Variants in RBMS1 observed in about 807,000 individuals in gnomAD.
The protein encoded by RBMS1 is RNA-binding motif, single-stranded-interacting protein 1.
Under a neutral mutation model 62.3 loss-of-function variants are expected in RBMS1, and 17 were observed. The observed-to-expected ratio is 0.27, with a 90% CI of 0.19 to 0.41. RBMS1 has a LOEUF of 0.41. Ranked by LOEUF, RBMS1 falls within the 10% of genes least tolerant of loss-of-function variation. The probability of loss-of-function intolerance (pLI) is 1.00; values close to 1 mark genes in which losing one functional copy is unlikely to be tolerated. For synonymous variants in RBMS1, 172 were observed against 170.0 expected (o/e 1.01, Z -0.09); for missense variants, 334 against 504.5 (o/e 0.66, Z 3.24).
intron 1 of RBMS1, among the ~76,000 whole-genome samples, chr2:160,447,745 C>T (rs1205395132): frequency 6.6e-6 from 1 of 152,168 alleles, no homozygotes; most frequent in Non-Finnish European, 1.5e-5. Flanking sequence ...AACTAGATTG[C>T]TAAAATGGTA....
In RBMS1 at chr2:160,318,172, T is replaced by TAAGAAA; in HGVS notation, c.306_307insTTTCTT (p.Cys102_Lys103insPheLeu). ...ATAACCAGCCAAGAAAACATACCTT[T>TAAGAAA]GCATTTGTTCGTTGTCTTATCCAAA... On this transcript the variant is annotated inframe_insertion, in exon 3 of 14. Transcript: ENST00000348849. 6.3e-7 allele frequency: 1 copy of TAAGAAA among 1,594,680 alleles called. No homozygotes were observed.
chr2:160,303,262 T>C, intron 5 of RBMS1, 68 bp downstream of exon 5: 1 of 1,454,210 alleles, frequency 6.9e-7, no homozygotes, highest in Non-Finnish European at 9.2e-7. Context: ...TTAGTCATTT[T>C]TAATTTTCCA....
At chr2:160,396,550 CTTTTTTTTTT>C (rs59600753) in intron 1 of RBMS1, among the ~76,000 whole-genome samples, 6 of 77,850 alleles carry the variant, frequency 7.7e-5, no homozygotes, top group Non-Finnish European at 1.2e-4. Context: ...TTCTTTTTAT[CTTTTTTTTTT>C]TTTTTTTTTT....
intron 1 of RBMS1, among the ~76,000 whole-genome samples, chr2:160,415,665 A>G (rs947930523): frequency 2.6e-5 from 4 of 152,210 alleles, no homozygotes; most frequent in African/African-American, 7.2e-5. Context: ...AGGTTATTTA[A>G]TAAGAATTTC....
In RBMS1 at chr2:160,493,542, T is replaced by TTCCTCCTCCTCCTCCTCCTCCTCC; in HGVS notation, c.-203_-180dup. 2.0e-6 allele frequency: 1 copy of TTCCTCCTCCTCCTCCTCCTCCTCC among 494,570 alleles called. No homozygotes were observed. The highest frequency in any genetic ancestry group is 3.5e-6 in the Non-Finnish European group (1 of 283,136). 30.6% of individuals were successfully genotyped at this position (494,570 alleles called of 1,614,324 possible). On this transcript the variant is annotated 5_prime_UTR_variant, in exon 1 of 14. Coordinates refer to ENST00000348849, the MANE Select transcript of RBMS1 (RefSeq NM_016836.4). ...AGACGTCCTCCTCCTCCTCCTCCTC[T>TTCCTCCTCCTCCTCCTCCTCCTCC]TCCTCCTCCTCCTCCTCCTCCTCCT... is the stretch of plus-strand genomic sequence containing the variant.
At chr2:160,467,342 A>T (rs1027114990) in intron 1 of RBMS1, among the ~76,000 whole-genome samples, 5 of 152,206 alleles carry the variant, frequency 3.3e-5, no homozygotes, top group Non-Finnish European at 5.9e-5. Context: ...CAAGGAGAAG[A>T]ACCAGGATTT....
chr2:160,480,704 C>T (rs530073501), intron 1 of RBMS1, among the ~76,000 whole-genome samples: 107 of 152,002 alleles, frequency 7.0e-4, no homozygotes, highest in South Asian at 5.4e-3. Context: ...ATTGACAAGC[C>T]GATGCTAAAA....
intron 2 of RBMS1, among the ~76,000 whole-genome samples, chr2:160,363,229 T>G (rs1693224251): frequency 6.6e-6 from 1 of 152,218 alleles, no homozygotes; most frequent in Non-Finnish European, 1.5e-5. Context: ...ACAACGCTTT[T>G]GTAGTCTGGG....
At chr2:160,422,074 T>C (rs554299313) in intron 1 of RBMS1, among the ~76,000 whole-genome samples, 1 of 152,338 alleles carries the variant, frequency 6.6e-6, no homozygotes, top group African/African-American at 2.4e-5. Flanking sequence ...CTAAATCTAC[T>C]GTTCAGCTGT....
At chr2:160,379,086 G>A (rs912356371) in intron 1 of RBMS1, among the ~76,000 whole-genome samples, 1 of 152,238 alleles carries the variant, frequency 6.6e-6, no homozygotes, top group Admixed American at 6.5e-5. Context: ...GGGCATGGTG[G>A]TGCATGCCTG....
chr2:160,293,656 G>A (rs992985819), intron 6 of RBMS1, among the ~76,000 whole-genome samples: 2 of 152,164 alleles, frequency 1.3e-5, no homozygotes, highest in African/African-American at 4.8e-5. Context: ...CACACAGTTA[G>A]CCTTTGTCTT....
At chr2:160,324,459 G>T (rs1690774738) in intron 2 of RBMS1, among the ~76,000 whole-genome samples, 1 of 152,082 alleles carries the variant, frequency 6.6e-6, no homozygotes, top group Non-Finnish European at 1.5e-5. Flanking sequence ...CATTTGCAGT[G>T]CTTGTGCTAG....
chr2:160,348,357 G>T (rs1290125720), intron 2 of RBMS1, among the ~76,000 whole-genome samples: 1 of 152,062 alleles, frequency 6.6e-6, no homozygotes, highest in Non-Finnish European at 1.5e-5. Flanking sequence ...AAACATAAAT[G>T]CTTATGTGCA....
At chr2:160,478,590 T>G (rs1225090114) in intron 1 of RBMS1, among the ~76,000 whole-genome samples, 1 of 152,224 alleles carries the variant, frequency 6.6e-6, no homozygotes, top group Non-Finnish European at 1.5e-5. Context: ...GTAAATGAAC[T>G]AAGGTGGCAT....
chr2:160,438,671 A>T (rs961535127), intron 1 of RBMS1, among the ~76,000 whole-genome samples: 26 of 152,294 alleles, frequency 1.7e-4, no homozygotes, highest in African/African-American at 4.6e-4. Context: ...TTCTACACAG[A>T]CATGGCAACC....
At chr2:160,414,737 A>T (rs1221070192) in intron 1 of RBMS1, among the ~76,000 whole-genome samples, 1 of 152,062 alleles carries the variant, frequency 6.6e-6, no homozygotes, top group Non-Finnish European at 1.5e-5. Flanking sequence ...TTTTTCTATT[A>T]AAAAAATCGT....
chr2:160,296,283 T>G (rs1398441214), intron 6 of RBMS1, among the ~76,000 whole-genome samples: 2 of 152,214 alleles, frequency 1.3e-5, no homozygotes, highest in Non-Finnish European at 2.9e-5. Context: ...CTTGAAATAA[T>G]TACTTCCAGG....
At chr2:160,434,588 T>C (rs1683038898) in intron 1 of RBMS1, among the ~76,000 whole-genome samples, 1 of 152,068 alleles carries the variant, frequency 6.6e-6, no homozygotes, top group Non-Finnish European at 1.5e-5. Context: ...ACATCTGCAG[T>C]AATACAGTGG....
intron 1 of RBMS1, among the ~76,000 whole-genome samples, chr2:160,379,823 G>A (rs957818608): frequency 4.6e-5 from 7 of 152,016 alleles, no homozygotes; most frequent in African/African-American, 1.7e-4. Flanking sequence ...GCTAGTTATT[G>A]AAAATGTCAA....
Sources: gnomAD v4.1 joint callset for allele counts (sites outside exome capture counted in the v4.1 genomes callset) on GRCh38, gnomAD v4.1.1 for gene constraint, MANE v1.5 for transcripts, NCBI Gene and HGNC (gene_info 2026-07-23, HGNC 2026-07-21) for gene names.